DSCAML1: variants seen among roughly 807,000 people sequenced by gnomAD.
The protein encoded by DSCAML1 is cell adhesion molecule DSCAML1.
A neutral mutation model predicts 200.5 loss-of-function variants in DSCAML1; 38 were observed. That is an observed-to-expected ratio of 0.19 (90% CI 0.15 to 0.25). The LOEUF (loss-of-function observed/expected upper bound fraction) is 0.25. DSCAML1 is among the 10% of genes least tolerant of loss of function. The probability of loss-of-function intolerance (pLI) is 1.00; values close to 1 mark genes in which losing one functional copy is unlikely to be tolerated. For missense variants in DSCAML1, 2,223 were observed against 2,858.8 expected, an observed-to-expected ratio of 0.78 and a Z score of 5.07; for synonymous variants, 1,215 against 1,165.0, an observed-to-expected ratio of 1.04 and a Z score of -0.87.
At chr11:117,615,793 G>A (rs958759650) in intron 3 of DSCAML1, among the ~76,000 whole-genome samples, 4 of 152,212 alleles carry the variant, frequency 2.6e-5, no homozygotes, top group Admixed American at 6.5e-5. Flanking sequence ...AGGTTAGCAA[G>A]TAGCTGTTGG....
At position 117,439,249 on chromosome 11, in the gene DSCAML1, G is replaced by C; in HGVS notation, c.4144+17C>G. The C allele has an allele frequency of 2.5e-6, 4 of 1,613,244 alleles. No homozygotes were observed. Among genetic ancestry groups the C allele is most frequent in the Non-Finnish European group, 2.5e-6 (3 of 1,179,522 alleles). ...TCCCTGTCCCCACCTGGGGTCACCT[G>C]CCTCACAGAGCCTCACCTTGCACCA... On this transcript the variant is annotated intron_variant, in intron 23 of 32. Transcript: ENST00000651296.
chr11:117,593,676 C>T (rs1298560849), intron 3 of DSCAML1, among the ~76,000 whole-genome samples: 1 of 151,616 alleles, frequency 6.6e-6, no homozygotes, highest in East Asian at 1.9e-4. Flanking sequence ...CTCCCTCTTT[C>T]CTTGAACCAT....
In DSCAML1 at chr11:117,473,800, G is replaced by A. The variant is rs77827833; in HGVS notation, c.2786-1764C>T. 8.3e-4 allele frequency among the ~76,000 whole-genome samples: 127 copies of A among 152,288 alleles called. 1 individual carries two copies. The highest frequency in any genetic ancestry group is 3.0e-3 in the African/African-American group (123 of 41,568). On this transcript the variant is annotated intron_variant, in intron 14 of 32. Coordinates refer to ENST00000651296, the MANE Select transcript of DSCAML1 (RefSeq NM_020693.4). ...TTGTATTTTAAAACACCCTAACCACGGGAGGGTCACTTTGTGGTTGGCAGG... is the reference window on the plus strand; with the variant it reads ...TTGTATTTTAAAACACCCTAACCACAGGAGGGTCACTTTGTGGTTGGCAGG...
chr11:117,751,187 T>C (rs1172624466), intron 3 of DSCAML1, among the ~76,000 whole-genome samples: 2 of 151,722 alleles, frequency 1.3e-5, no homozygotes, highest in African/African-American at 2.4e-5. Context: ...TTGCAATGGG[T>C]TTGATGGAAT....
chr11:117,470,472 G>A (rs900712079), intron 15 of DSCAML1, among the ~76,000 whole-genome samples: 3 of 152,230 alleles, frequency 2.0e-5, no homozygotes, highest in African/African-American at 7.2e-5. Context: ...CTGCTCGGGA[G>A]GCTGAGGCAG....
intron 3 of DSCAML1, among the ~76,000 whole-genome samples, chr11:117,535,387 A>C (rs1236616836): frequency 1.3e-5 from 2 of 152,150 alleles, no homozygotes; most frequent in Non-Finnish European, 2.9e-5. Context: ...GCCATCTGGC[A>C]GCCTGCCCGT....
At chr11:117,687,110 A>T (rs775876346) in intron 3 of DSCAML1, among the ~76,000 whole-genome samples, 2 of 151,970 alleles carry the variant, frequency 1.3e-5, no homozygotes, top group African/African-American at 2.4e-5. Context: ...AAGGCCAAGG[A>T]CTCTGGGAGG....
In DSCAML1 at chr11:117,651,711, C is replaced by CAAAA. The variant is rs1193144259; in HGVS notation, c.512-119193_512-119190dup. 1.3e-3 allele frequency among the ~76,000 whole-genome samples: 39 copies of CAAAA among 31,076 alleles called. 1 individual carries two copies. Among genetic ancestry groups the CAAAA allele is most frequent in the Non-Finnish European group, 2.4e-3 (31 of 12,740 alleles). 20.4% of individuals were successfully genotyped at this position (31,076 alleles called of 152,430 possible). On this transcript the variant is annotated intron_variant, in intron 3 of 32. Transcript: ENST00000651296. Reference sequence around the variant, plus strand: ...TGGGCGACAGAGCAAGACTCTGTCTCAAAAAAAAAAAAAAAAAAAAAAAAA... The same window carrying CAAAA: ...TGGGCGACAGAGCAAGACTCTGTCTCAAAAAAAAAAAAAAAAAAAAAAAAAAAAA...
chr11:117,488,727 C>G (rs894925752), intron 11 of DSCAML1, among the ~76,000 whole-genome samples: 1 of 152,230 alleles, frequency 6.6e-6, no homozygotes, highest in East Asian at 1.9e-4. Flanking sequence ...GCTTGTTTAA[C>G]ACACATCTCC....
intron 3 of DSCAML1, among the ~76,000 whole-genome samples, chr11:117,584,032 G>C (rs900072404): frequency 2.6e-5 from 4 of 152,180 alleles, no homozygotes; most frequent in African/African-American, 7.2e-5. Flanking sequence ...GGCCAAGTCT[G>C]CTTTGTGGAG....
intron 3 of DSCAML1, among the ~76,000 whole-genome samples, chr11:117,694,931 G>C (rs572679478): frequency 3.3e-5 from 5 of 152,356 alleles, no homozygotes; most frequent in African/African-American, 1.2e-4. Context: ...CTGGAGCCAG[G>C]CTGTGCTGGC....
Position 117,759,258 on chromosome 11 carries a change from C to T in DSCAML1, c.511+17533G>A, listed in dbSNP as rs78829708. Among the ~76,000 whole-genome samples, 26 of 152,296 alleles carry T rather than the reference C, an allele frequency of 1.7e-4. No individual in the cohort carries two copies. In the East Asian group the frequency reaches 5.0e-3, roughly 29 times the overall value. ...AGCCCTGACAAACCAATTCTACCAC[C>T]TGCATGTGCCACCTGTGAACTTGGG... On this transcript the variant is annotated intron_variant, in intron 3 of 32. Coordinates refer to ENST00000651296, the MANE Select transcript of DSCAML1 (RefSeq NM_020693.4).
At chr11:117,744,821 C>T (rs944187322) in intron 3 of DSCAML1, among the ~76,000 whole-genome samples, 4 of 152,358 alleles carry the variant, frequency 2.6e-5, no homozygotes, top group Admixed American at 2.6e-4. Flanking sequence ...GTTCCCAAAA[C>T]TACAGGCAAA....
intron 1 of DSCAML1, among the ~76,000 whole-genome samples, chr11:117,808,760 T>C (rs2055730385): frequency 6.6e-6 from 1 of 152,206 alleles, no homozygotes; most frequent in South Asian, 2.1e-4. Flanking sequence ...GAATAATAAA[T>C]GGCTGAAAAA....
chr11:117,666,819 T>G (rs1750978849), intron 3 of DSCAML1, among the ~76,000 whole-genome samples: 1 of 152,228 alleles, frequency 6.6e-6, no homozygotes, highest in Non-Finnish European at 1.5e-5. Context: ...CCTCTGCCTC[T>G]CTCAGGGTGG....
intron 8 of DSCAML1, among the ~76,000 whole-genome samples, chr11:117,514,447 C>G (rs1404044531): frequency 1.3e-5 from 2 of 151,998 alleles, no homozygotes; most frequent in African/African-American, 4.8e-5. Context: ...AAACGGTCCT[C>G]CCTCCAGCCT....
chr11:117,595,088 A>ACACACACACACACC (rs1356090912), intron 3 of DSCAML1, among the ~76,000 whole-genome samples: 2 of 151,188 alleles, frequency 1.3e-5, no homozygotes, highest in African/African-American at 2.4e-5. Flanking sequence ...ACACACACAC[A>ACACACACACACACC]CCCTTTGATA....
intron 3 of DSCAML1, among the ~76,000 whole-genome samples, chr11:117,562,597 G>A (rs2050684531): frequency 6.6e-6 from 1 of 152,182 alleles, no homozygotes; most frequent in South Asian, 2.1e-4. Context: ...GAAACTGGTG[G>A]GATCTAACAG....
chr11:117,459,344 C>T (rs114273206), intron 18 of DSCAML1, among the ~76,000 whole-genome samples: 321 of 152,362 alleles, frequency 2.1e-3, no homozygotes, highest in African/African-American at 7.3e-3. Context: ...CTGGCCAGCC[C>T]GCCTTGGGCC....
Sources: allele counts gnomAD v4.1 joint callset (sites outside exome capture counted in the v4.1 genomes callset), GRCh38; gene constraint gnomAD v4.1.1; transcripts MANE v1.5; gene names NCBI Gene and HGNC (gene_info 2026-07-23, HGNC 2026-07-21).